The following RTTN variants were observed in gnomAD, a reference collection of about 807,000 sequenced individuals.
The protein encoded by RTTN is rotatin.
Under a neutral mutation model 269.2 loss-of-function variants are expected in RTTN, and 182 were observed. The ratio of observed to expected loss-of-function variants is 0.68; its 90% confidence interval spans 0.60 to 0.76. The LOEUF (loss-of-function observed/expected upper bound fraction) is 0.76. RTTN is among the 30% of genes least tolerant of loss of function. The pLI is 0.00. For missense variants in RTTN, 2,545 were observed against 2,608.6 expected, an observed-to-expected ratio of 0.98 and a Z score of 0.53; for synonymous variants, 1,006 against 963.5, an observed-to-expected ratio of 1.04 and a Z score of -0.82.
chr18:70,086,718 A>T, intron 31 of RTTN, 34 bp from the exon 32 acceptor site: 1 of 855,756 alleles, frequency 1.2e-6, no homozygotes, highest in Non-Finnish European at 1.7e-6. Context: ...AAAAAAAAAA[A>T]AAAAAAAAAA....
rs1292464752 is a variant in RTTN at position 70,088,110 on chromosome 18, G to A, written c.4181C>T (p.Thr1394Ile). ...GGCCACACAGCCCGTTTCAAGGGTG[G>A]TCAGTGCTGATCCTAATCCCAGTGA... ...FTSLGLGSAL[T>I]TLETGCVALA... Residue 1394 changes from threonine to isoleucine, a missense_variant, in exon 31 of 49, where the codon ACC becomes ATC. Coordinates refer to ENST00000640769, the MANE Select transcript of RTTN (RefSeq NM_173630.4). 2 of 1,613,886 alleles carry A rather than the reference G, an allele frequency of 1.2e-6. No homozygotes were observed. Among genetic ancestry groups the A allele is most frequent in the Admixed American group, 1.7e-5 (1 of 59,942 alleles).
chr18:70,067,897 A>C (rs2058186795), intron 34 of RTTN, among the ~76,000 whole-genome samples: 1 of 152,240 alleles, frequency 6.6e-6, no homozygotes, highest in Admixed American at 6.5e-5. Context: ...GATTTTCCTT[A>C]GTATAGTCCA....
chr18:70,026,953 C>T (rs1403982579), intron 43 of RTTN, among the ~76,000 whole-genome samples: 1 of 152,206 alleles, frequency 6.6e-6, no homozygotes, highest in African/African-American at 2.4e-5. Context: ...TATCGGGTCT[C>T]TCACACCTGT....
chr18:70,184,812 G>A lies in RTTN; in HGVS notation c.1305+3296C>T, dbSNP rs561729330. On this transcript the variant is annotated intron_variant, in intron 10 of 48. Coordinates refer to ENST00000640769, the MANE Select transcript of RTTN (RefSeq NM_173630.4). ...TGGGAGGCTGAGGCAGGAGAATGGC[G>A]TGAACCTGGGAGGTGGAGCTTACAG... 5.4e-4 allele frequency among the ~76,000 whole-genome samples: 79 copies of A among 145,522 alleles called. 1 individual carries two copies. The Middle Eastern group carries it at 0.015, about 27-fold the overall frequency.
intron 20 of RTTN, 57 bp downstream of exon 20, chr18:70,140,043 A>G: frequency 8.7e-7 from 1 of 1,146,032 alleles, no homozygotes; most frequent in South Asian, 1.3e-5. Context: ...GTTCAATTTC[A>G]GATCTGATTA....
intron 32 of RTTN, among the ~76,000 whole-genome samples, chr18:70,086,089 G>C (rs1030955177): frequency 1.3e-5 from 2 of 151,974 alleles, no homozygotes; most frequent in East Asian, 1.9e-4. Context: ...ACTATAACCC[G>C]CACTGTGCAC....
chr18:70,165,375 T>G (rs10432242), intron 14 of RTTN, among the ~76,000 whole-genome samples: 110,020 of 151,568 alleles, frequency 0.73, 46,623 homozygotes, highest in East Asian at 1. Context: ...ACCAGCTGTG[T>G]AAGAGTGGCT....
chr18:70,031,218 A>G (rs1599178629), intron 40 of RTTN: 1 of 527,934 alleles, frequency 1.9e-6, no homozygotes, highest in East Asian at 3.0e-5. Context: ...TCATCTACAG[A>G]AAAAAGCTTT....
At chr18:70,185,176 T>G (rs2061519189) in intron 10 of RTTN, among the ~76,000 whole-genome samples, 1 of 152,112 alleles carries the variant, frequency 6.6e-6, no homozygotes, top group African/African-American at 2.4e-5. Context: ...ATTCCTTACC[T>G]TGTGCTAGAT....
At chr18:70,017,731 G>A (rs1017944788) in intron 45 of RTTN, 57 bp from the exon 46 acceptor site, 4 of 1,425,096 alleles carry the variant, frequency 2.8e-6, no homozygotes, top group South Asian at 1.4e-5. Context: ...TATTTTCCTA[G>A]TCCCTTGGTG....
intron 47 of RTTN, 52 bp from the exon 48 acceptor site, chr18:70,005,319 G>A (rs1023971684): frequency 1.6e-6 from 2 of 1,275,020 alleles, no homozygotes; most frequent in African/African-American, 3.0e-5. Context: ...GATCATGATA[G>A]CAAAACACTA....
At chr18:70,085,385 A>C (rs2058675159) in intron 32 of RTTN, among the ~76,000 whole-genome samples, 1 of 152,118 alleles carries the variant, frequency 6.6e-6, no homozygotes, top group Non-Finnish European at 1.5e-5. Context: ...CCAAGAGTTA[A>C]ATGCTACCTG....
At chr18:70,086,509 T>G in intron 32 of RTTN, 104 bp downstream of exon 32, 1 of 942,264 alleles carries the variant, frequency 1.1e-6, no homozygotes, top group Admixed American at 2.3e-5. Context: ...CTTGCTGTCT[T>G]GTATATAGTT....
At chr18:70,087,269 C>T (rs1199489426) in intron 31 of RTTN, among the ~76,000 whole-genome samples, 1 of 152,098 alleles carries the variant, frequency 6.6e-6, no homozygotes, top group Non-Finnish European at 1.5e-5. Context: ...GGGAGAATGA[C>T]AGGATTAACA....
intron 23 of RTTN, among the ~76,000 whole-genome samples, chr18:70,133,066 G>A (rs779958673): frequency 1.7e-4 from 26 of 152,128 alleles, no homozygotes; most frequent in Non-Finnish European, 3.2e-4. Context: ...TCACAGCTCT[G>A]AGCAATCTTG....
At chr18:70,175,633 CAAAA>C (rs10710822) in intron 11 of RTTN, among the ~76,000 whole-genome samples, 6 of 143,764 alleles carry the variant, frequency 4.2e-5, no homozygotes. Context: ...TGCATGGGAC[CAAAA>C]AAAAAAAAAA....
At chr18:70,073,601 G>A (rs891752392) in intron 34 of RTTN, among the ~76,000 whole-genome samples, 1 of 152,124 alleles carries the variant, frequency 6.6e-6, no homozygotes. Flanking sequence ...GGGATATTCA[G>A]TGTAGCTATA....
At chr18:70,175,686 T>C (rs545620611) in intron 11 of RTTN, among the ~76,000 whole-genome samples, 4 of 149,668 alleles carry the variant, frequency 2.7e-5, no homozygotes, top group African/African-American at 9.8e-5. Flanking sequence ...ACCAGCAATA[T>C]ACATAAAGTA....
chr18:70,031,292 A>G, intron 40 of RTTN: 1 of 441,828 alleles, frequency 2.3e-6, no homozygotes. Flanking sequence ...TTGTATATAT[A>G]TGTGTGTACC....
Sources: gnomAD v4.1 joint callset for allele counts (sites outside exome capture counted in the v4.1 genomes callset) on GRCh38, gnomAD v4.1.1 for gene constraint, MANE v1.5 for transcripts, NCBI Gene and HGNC (gene_info 2026-07-23, HGNC 2026-07-21) for gene names.